Variants in NET1 observed in about 807,000 individuals in gnomAD.
NET1 encodes the protein neuroepithelial cell-transforming gene 1 protein.
NET1 carries 42 observed loss-of-function variants against 61.1 expected under a neutral mutation model. The ratio of observed to expected loss-of-function variants is 0.69; its 90% CI spans 0.54 to 0.89. NET1 has a LOEUF of 0.89. Ranked by LOEUF, NET1 falls within the 40% of genes least tolerant of loss-of-function variation. The pLI is 0.00. For synonymous variants in NET1, 254 were observed against 281.8 expected (o/e 0.90, Z 0.99); for missense variants, 654 against 747.3 (o/e 0.88, Z 1.46).
rs1250657901 is a variant in NET1, at chr10:5,457,499, A to G, written c.*505A>G. The G allele has an allele frequency of 6.6e-6, 1 of 152,656 alleles. No homozygotes were observed. The highest frequency in any genetic ancestry group is 1.5e-5 in the Non-Finnish European group (1 of 68,054). The allele number at this position is 152,656 out of a possible 1,614,324, so 9.5% of individuals were successfully genotyped here. A position where few individuals can be genotyped will look rare whatever the true frequency, so the allele number is the denominator to read the frequency against. On this transcript the variant is annotated 3_prime_UTR_variant, in exon 12 of 12. Coordinates refer to ENST00000355029, the MANE Select transcript of NET1 (RefSeq NM_001047160.3). This position sits in a 1 kb window ranked among gnomAD's most constrained non-coding sequence, Gnocchi z 5.4. ...ACATAATTTCCTTGGAAAACAAACCATAAGCCTGAGGAGGTTTTTATCAAC... is the reference window on the plus strand; with the variant it reads ...ACATAATTTCCTTGGAAAACAAACCGTAAGCCTGAGGAGGTTTTTATCAAC...
chr10:5,442,465 T>C (rs1832536462), intron 3 of NET1, among the ~76,000 whole-genome samples: 1 of 152,236 alleles, frequency 6.6e-6, no homozygotes. Flanking sequence ...ACACTCCTTT[T>C]CTATACATAA....
chr10:5,452,817 T>A lies in NET1; in HGVS notation c.532-41T>A. 1 of 1,576,774 alleles carries A rather than the reference T, an allele frequency of 6.3e-7. No individual in the cohort carries two copies. ...TTATCAGTTGTATATAATTTTCCTT[T>A]CTCGAAGGAATGACCTCTGATGTTT... is the stretch of plus-strand genomic sequence containing the variant. On this transcript the variant is annotated intron_variant, in intron 5 of 11. Transcript: ENST00000355029. The surrounding 1 kb of genome is among the most constrained non-coding windows in gnomAD (Gnocchi z 4.0).
rs200255254 is a variant in NET1, at chr10:5,452,281, T to TA, written c.364-68dup. 9,643 of 1,246,642 alleles carry TA rather than the reference T, an allele frequency of 7.7e-3. 240 individuals are homozygous for TA. In the East Asian group the frequency reaches 0.082, roughly 11 times the overall value. 77.2% of individuals were successfully genotyped at this position (1,246,642 alleles called of 1,614,324 possible). ...CTCAGAACTTTGTCTTTCTTCACTT[T>TA]AAAAAAAAAGAAAATGGGAATAATT... is the stretch of plus-strand genomic sequence containing the variant. On this transcript the variant is annotated intron_variant, in intron 4 of 11. Transcript: ENST00000355029. The surrounding 1 kb of genome is among the most constrained non-coding windows in gnomAD (Gnocchi z 4.0).
rs1420245858 is a variant in NET1, at chr10:5,431,686, A to T, written c.255+2457A>T. Among the ~76,000 whole-genome samples, 1 of 152,154 alleles carries T rather than the reference A, an allele frequency of 6.6e-6. No homozygotes were observed. The highest frequency in any genetic ancestry group is 2.4e-5 in the African/African-American group (1 of 41,434). ...GAATTCTATTCATTAGCATTCTCTG[A>T]AAGTAAGTAATGATTTTTTTTTCTC... is the stretch of plus-strand genomic sequence containing the variant. On this transcript the variant is annotated intron_variant, in intron 3 of 11. Transcript: ENST00000355029. The surrounding 1 kb of genome is among the most constrained non-coding windows in gnomAD (Gnocchi z 4.9).
At position 5,423,927 on chromosome 10, in the gene NET1, G is replaced by A. The variant is rs575314666; in HGVS notation, c.129-2728G>A. ...GGGTATTCAAAATAAATAGAATCTTGTTATTGAAGTGGGAAAAAATAGCAT... is the reference window on the plus strand; with the variant it reads ...GGGTATTCAAAATAAATAGAATCTTATTATTGAAGTGGGAAAAAATAGCAT... On this transcript the variant is annotated intron_variant, in intron 1 of 11. Transcript: ENST00000355029. This position sits in a 1 kb window ranked among gnomAD's most constrained non-coding sequence, Gnocchi z 4.4. 2.0e-5 allele frequency among the ~76,000 whole-genome samples: 3 copies of A among 152,166 alleles called. No individual in the cohort carries two copies. Among genetic ancestry groups the A allele is most frequent in the East Asian group, 3.9e-4 (2 of 5,184 alleles).
rs1027025653 is a variant in NET1 at position 5,421,075 on chromosome 10, G to C, written c.129-5580G>C. On this transcript the variant is annotated intron_variant, in intron 1 of 11. Transcript: ENST00000355029. The surrounding 1 kb of genome is among the most constrained non-coding windows in gnomAD (Gnocchi z 4.2). ...ATTCTTTTAACATTCTTTTAGACTA[G>C]AACCCATAGACAAAGAGTAACGTTT... Among the ~76,000 whole-genome samples, 1 of 152,024 alleles carries C rather than the reference G, an allele frequency of 6.6e-6. No homozygotes were observed. The highest frequency in any genetic ancestry group is 1.5e-5 in the Non-Finnish European group (1 of 68,010).
rs1832675805 is a variant in NET1 at position 5,449,782 on chromosome 10, T to C, written c.256-2048T>C. 6.6e-6 allele frequency among the ~76,000 whole-genome samples: 1 copy of C among 152,238 alleles called. No individual in the cohort carries two copies. Among genetic ancestry groups the C allele is most frequent in the Non-Finnish European group, 1.5e-5 (1 of 68,028 alleles). On this transcript the variant is annotated intron_variant, in intron 3 of 11. Coordinates refer to ENST00000355029, the MANE Select transcript of NET1 (RefSeq NM_001047160.3). The surrounding 1 kb of genome is among the most constrained non-coding windows in gnomAD (Gnocchi z 4.4). ...TTATTTCCTGCTAACAAAATTTTCCTTTCATATTCACTGGGAAAAGCACCT... is the reference window on the plus strand; with the variant it reads ...TTATTTCCTGCTAACAAAATTTTCCCTTCATATTCACTGGGAAAAGCACCT...
chr10:5,418,445 C>G (rs1832114844), intron 1 of NET1, among the ~76,000 whole-genome samples: 1 of 152,072 alleles, frequency 6.6e-6, no homozygotes, highest in Non-Finnish European at 1.5e-5. Flanking sequence ...CTTCCTTGTT[C>G]ATAGTATTTC....
rs1832630040 is a variant in NET1, at chr10:5,447,281, T to G, written c.256-4549T>G. ...AACTAAAGTTTAGTCTGACCTGGTG[T>G]GCATTTTTCTTCCATCTGATGAGTT... On this transcript the variant is annotated intron_variant, in intron 3 of 11. Coordinates refer to ENST00000355029, the MANE Select transcript of NET1 (RefSeq NM_001047160.3). This position sits in a 1 kb window ranked among gnomAD's most constrained non-coding sequence, Gnocchi z 4.1. Among the ~76,000 whole-genome samples the G allele has an allele frequency of 6.6e-6, 1 of 152,210 alleles. No individual in the cohort carries two copies. The highest frequency in any genetic ancestry group is 2.4e-5 in the African/African-American group (1 of 41,458).
Position 5,446,668 on chromosome 10 carries a change from G to C in NET1, c.256-5162G>C. The C allele has an allele frequency of 7.4e-7, 1 of 1,344,038 alleles. No homozygotes were observed. The highest frequency in any genetic ancestry group is 2.6e-5 in the Admixed American group (1 of 38,196). 83.3% of individuals were successfully genotyped at this position (1,344,038 alleles called of 1,614,324 possible). Reference sequence around the variant, plus strand: ...GCACGTGGCTGCCGAGGGTGGCCGAGCTCTGGGAAGAAAAGCCCGTGTGCC... The same window carrying C: ...GCACGTGGCTGCCGAGGGTGGCCGACCTCTGGGAAGAAAAGCCCGTGTGCC... On this transcript the variant is annotated intron_variant, in intron 3 of 11. Transcript: ENST00000355029. The surrounding 1 kb of genome is among the most constrained non-coding windows in gnomAD (Gnocchi z 5.0).
rs1739720300 is a variant in NET1 at position 5,422,950 on chromosome 10, C to T, written c.129-3705C>T. Among the ~76,000 whole-genome samples the T allele has an allele frequency of 2.0e-5, 3 of 152,172 alleles. No homozygotes were observed. The highest frequency in any genetic ancestry group is 7.2e-5 in the African/African-American group (3 of 41,430). On this transcript the variant is annotated intron_variant, in intron 1 of 11. Coordinates refer to ENST00000355029, the MANE Select transcript of NET1 (RefSeq NM_001047160.3). The surrounding 1 kb of genome is among the most constrained non-coding windows in gnomAD (Gnocchi z 4.1). ...ACACCCCAAATGTAAAAAGTGTTAA[C>T]TGCAGAGGATAAATTATACCATTCT...
At chr10:5,425,733 A>G (rs1277332997) in intron 1 of NET1, among the ~76,000 whole-genome samples, 1 of 152,214 alleles carries the variant, frequency 6.6e-6, no homozygotes, top group Non-Finnish European at 1.5e-5. Flanking sequence ...CAAGATGCAA[A>G]TGACGATAGA....
At position 5,423,193 on chromosome 10, in the gene NET1, G is replaced by T. The variant is rs899747668; in HGVS notation, c.129-3462G>T. On this transcript the variant is annotated intron_variant, in intron 1 of 11. Coordinates refer to ENST00000355029, the MANE Select transcript of NET1 (RefSeq NM_001047160.3). The surrounding 1 kb of genome is among the most constrained non-coding windows in gnomAD (Gnocchi z 4.4). The stretch of plus-strand genomic sequence containing the variant: ...TTTTTATGGTGAATGCATCTTGAGG[G>T]TAAATTATGCTTTTAAGAATGCTTT... Among the ~76,000 whole-genome samples, 1 of 152,056 alleles carries T rather than the reference G, an allele frequency of 6.6e-6. No homozygotes were observed. The highest frequency in any genetic ancestry group is 2.4e-5 in the African/African-American group (1 of 41,418).
In NET1 at chr10:5,412,591, C is replaced by A. The variant is rs1248712991; in HGVS notation, c.-102C>A. ...GATGACGGCGGTGGCGGCTGCAGTC[C>A]GCTGACAGGCGCTTTCTGCCTGGCA... On this transcript the variant is annotated 5_prime_UTR_variant, in exon 1 of 12. Transcript: ENST00000355029. The surrounding 1 kb of genome is among the most constrained non-coding windows in gnomAD (Gnocchi z 6.5). The A allele has an allele frequency of 2.3e-6, 3 of 1,291,600 alleles. No homozygotes were observed. The highest frequency in any genetic ancestry group is 1.6e-5 in the African/African-American group (1 of 63,256). The allele number at this position is 1,291,600 out of a possible 1,614,324, so 80.0% of individuals were successfully genotyped here. A position where few individuals can be genotyped will look rare whatever the true frequency, so the allele number is the denominator to read the frequency against.
At chr10:5,414,786 A>T (rs1832051287) in intron 1 of NET1, among the ~76,000 whole-genome samples, 1 of 152,224 alleles carries the variant, frequency 6.6e-6, no homozygotes, top group African/African-American at 2.4e-5. Flanking sequence ...GCAGAAAAGG[A>T]CAGAATCCAA....
rs1832012011 is a variant in NET1, at chr10:5,412,603, C to T, written c.-90C>T. The T allele has an allele frequency of 2.2e-6, 3 of 1,357,296 alleles. No homozygotes were observed. The highest frequency in any genetic ancestry group is 2.9e-6 in the Non-Finnish European group (3 of 1,045,756). 84.1% of individuals were successfully genotyped at this position (1,357,296 alleles called of 1,614,324 possible). A position where few individuals can be genotyped will look rare whatever the true frequency, so the allele number is the denominator to read the frequency against. On this transcript the variant is annotated 5_prime_UTR_variant, in exon 1 of 12. Transcript: ENST00000355029. The surrounding 1 kb of genome is among the most constrained non-coding windows in gnomAD (Gnocchi z 6.5). Reference sequence around the variant, plus strand: ...GGCGGCTGCAGTCCGCTGACAGGCGCTTTCTGCCTGGCAGAGGCTGGCGGG... The same window carrying T: ...GGCGGCTGCAGTCCGCTGACAGGCGTTTTCTGCCTGGCAGAGGCTGGCGGG...
rs1832771076 is a variant in NET1 at position 5,454,810 on chromosome 10, G to A, written c.1027-138G>A. ...TGTTTCTTGATCTATAAAATGAACA[G>A]ACTGGCAGAATTAACTGATTTCTAG... On this transcript the variant is annotated intron_variant, in intron 9 of 11. Transcript: ENST00000355029. The surrounding 1 kb of genome is among the most constrained non-coding windows in gnomAD (Gnocchi z 8.1). 1.2e-6 allele frequency: 1 copy of A among 827,178 alleles called. No individual in the cohort carries two copies. Among genetic ancestry groups the A allele is most frequent in the Non-Finnish European group, 1.9e-6 (1 of 533,682 alleles). The allele number at this position is 827,178 out of a possible 1,614,324, so 51.2% of individuals were successfully genotyped here.
In NET1 at chr10:5,437,354, T is replaced by C. The variant is rs887127537; in HGVS notation, c.255+8125T>C. On this transcript the variant is annotated intron_variant, in intron 3 of 11. Coordinates refer to ENST00000355029, the MANE Select transcript of NET1 (RefSeq NM_001047160.3). The surrounding 1 kb of genome is among the most constrained non-coding windows in gnomAD (Gnocchi z 4.3). ...ACATATAAAGCAGGCTCCCTAATTC[T>C]TCTTGGTTGCTGTATTGTATTCCAT... is the stretch of plus-strand genomic sequence containing the variant. Among the ~76,000 whole-genome samples the C allele has an allele frequency of 2.0e-5, 3 of 152,196 alleles. No homozygotes were observed. The highest frequency in any genetic ancestry group is 4.4e-5 in the Non-Finnish European group (3 of 68,016).
chr10:5,439,402 A>G lies in NET1; in HGVS notation c.255+10173A>G, dbSNP rs117404588. On this transcript the variant is annotated intron_variant, in intron 3 of 11. Transcript: ENST00000355029. This position sits in a 1 kb window ranked among gnomAD's most constrained non-coding sequence, Gnocchi z 4.8. ...CTAGATGAAGAGTTGAAAGAGAAGTACCAGTGTAATGTACTAGGTTACATG... is the reference window on the plus strand; with the variant it reads ...CTAGATGAAGAGTTGAAAGAGAAGTGCCAGTGTAATGTACTAGGTTACATG... Among the ~76,000 whole-genome samples the G allele has an allele frequency of 6.5e-3, 987 of 152,344 alleles. 36 individuals carry two copies. In the East Asian group the frequency reaches 0.11, roughly 16 times the overall value.
Sources: gnomAD v4.1 joint callset for allele counts (sites outside exome capture counted in the v4.1 genomes callset) on GRCh38, gnomAD v4.1.1 for gene constraint, Gnocchi (gnomAD v3.1) non-coding constraint, MANE v1.5 for transcripts, NCBI Gene and HGNC (gene_info 2026-07-23, HGNC 2026-07-21) for gene names.